The following CERS3 variants were observed in gnomAD, a reference collection of about 807,000 sequenced individuals.
The protein encoded by CERS3 is ceramide synthase 3.
A neutral mutation model predicts 50.3 loss-of-function variants in CERS3; 33 were observed. The observed-to-expected ratio is 0.66, with a 90% CI of 0.50 to 0.88. The LOEUF is 0.88. CERS3 is among the 40% of genes least tolerant of loss of function. CERS3 has a pLI of 0.00. For missense variants in CERS3, 470 were observed against 460.3 expected, an observed-to-expected ratio of 1.02 and a Z score of -0.19; for synonymous variants, 176 against 155.2, an observed-to-expected ratio of 1.13 and a Z score of -0.99.
chr15:100,420,454 A>G (rs1412429366), intron 11 of CERS3, among the ~76,000 whole-genome samples: 1 of 152,212 alleles, frequency 6.6e-6, no homozygotes, highest in Non-Finnish European at 1.5e-5. Flanking sequence ...CTTACCAACC[A>G]AAAAGTGTCC....
intron 11 of CERS3, among the ~76,000 whole-genome samples, chr15:100,441,938 C>T (rs1478349953): frequency 6.6e-6 from 1 of 152,048 alleles, no homozygotes; most frequent in Non-Finnish European, 1.5e-5. Context: ...GACCTCTCCC[C>T]TCCTCACCAG....
intron 11 of CERS3, among the ~76,000 whole-genome samples, chr15:100,413,751 C>A (rs1459268797): frequency 1.4e-5 from 2 of 140,928 alleles, no homozygotes; most frequent in Non-Finnish European, 3.1e-5. Flanking sequence ...TTAACCTAAC[C>A]ACCAACCCCA....
intron 2 of CERS3, among the ~76,000 whole-genome samples, chr15:100,518,351 G>C (rs891241512): frequency 1.3e-5 from 2 of 152,104 alleles, no homozygotes; most frequent in Non-Finnish European, 2.9e-5. Flanking sequence ...AGGACAGAGA[G>C]AGAGAGAGCA....
In CERS3 at chr15:100,401,239, C is replaced by T. The variant is rs2030501671; in HGVS notation, c.*1474G>A. ...TACAAAATCTGACCGTTATGAGAGA[C>T]TGTGCCAGGTGGTGAGGACAGATGC... On this transcript the variant is annotated 3_prime_UTR_variant, in exon 12 of 12. Transcript: ENST00000679737. The T allele has an allele frequency of 6.6e-6, 1 of 152,194 alleles. No homozygotes were observed. The highest frequency in any genetic ancestry group is 1.5e-5 in the Non-Finnish European group (1 of 68,040). The allele number at this position is 152,194 out of a possible 1,614,324, so 9.4% of individuals were successfully genotyped here.
At chr15:100,499,454 A>G (rs1033904292) in intron 3 of CERS3, among the ~76,000 whole-genome samples, 1 of 152,224 alleles carries the variant, frequency 6.6e-6, no homozygotes, top group Admixed American at 6.5e-5. Context: ...AATGTCAGTT[A>G]CTTTCAAATT....
chr15:100,485,746 C>G (rs143754354), intron 4 of CERS3, among the ~76,000 whole-genome samples: 8 of 152,186 alleles, frequency 5.3e-5, no homozygotes, highest in African/African-American at 1.9e-4. Context: ...CTCCTGTGAT[C>G]CCAGCTACTC....
chr15:100,466,202 C>T (rs949134226), intron 10 of CERS3, among the ~76,000 whole-genome samples: 1 of 152,060 alleles, frequency 6.6e-6, no homozygotes, highest in Non-Finnish European at 1.5e-5. Context: ...AGCGCACTAC[C>T]CCGACAATCA....
At chr15:100,482,638 A>T (rs1318171414) in intron 5 of CERS3, among the ~76,000 whole-genome samples, 1 of 152,054 alleles carries the variant, frequency 6.6e-6, no homozygotes, top group Non-Finnish European at 1.5e-5. Flanking sequence ...TATGTATTAA[A>T]ATCCTGAATG....
chr15:100,467,837 GTATA>G (rs1224034259), intron 10 of CERS3, among the ~76,000 whole-genome samples: 11 of 56,356 alleles, frequency 2.0e-4, no homozygotes, highest in Non-Finnish European at 4.1e-4. Context: ...ATATATACGT[GTATA>G]TATATATATA....
At chr15:100,484,955 T>C (rs2142282675) in intron 4 of CERS3, among the ~76,000 whole-genome samples, 1 of 152,360 alleles carries the variant, frequency 6.6e-6, no homozygotes, top group Admixed American at 6.5e-5. Context: ...TGAGCTCACT[T>C]GTTCAGCTAA....
chr15:100,499,003 T>C (rs1458094610), intron 3 of CERS3, among the ~76,000 whole-genome samples: 1 of 152,202 alleles, frequency 6.6e-6, no homozygotes, highest in Non-Finnish European at 1.5e-5. Context: ...TAACAATACT[T>C]CTTCAATTTA....
chr15:100,490,826 T>G lies in CERS3; in HGVS notation c.279A>C (p.Gln93His). 6.3e-7 allele frequency: 1 copy of G among 1,599,800 alleles called. No individual in the cohort carries two copies. Among genetic ancestry groups the G allele is most frequent in the Non-Finnish European group, 8.6e-7 (1 of 1,167,494 alleles). ...LENFFKHSTRQPLQTDIYGLA... is the reference protein window; with the variant it reads ...LENFFKHSTRHPLQTDIYGLA... ...AAGAATTTGTACTTACTTGCAATGGTTGCCTTGTGGAATGTTTGAAAAAAT... is the reference window on the plus strand; with the variant it reads ...AAGAATTTGTACTTACTTGCAATGGGTGCCTTGTGGAATGTTTGAAAAAAT... Residue 93 changes from glutamine to histidine, a missense_variant, in exon 4 of 12, where the codon CAA (glutamine) becomes CAC (histidine). Coordinates refer to ENST00000679737, the MANE Select transcript of CERS3 (RefSeq NM_001378789.1).
At chr15:100,509,227 C>T (rs1432969419) in intron 2 of CERS3, among the ~76,000 whole-genome samples, 1 of 152,118 alleles carries the variant, frequency 6.6e-6, no homozygotes, top group African/African-American at 2.4e-5. Context: ...CCATTCCATT[C>T]GAACTTAGGA....
intron 5 of CERS3, among the ~76,000 whole-genome samples, chr15:100,482,171 A>G (rs2035323942): frequency 6.6e-6 from 1 of 152,236 alleles, no homozygotes; most frequent in Non-Finnish European, 1.5e-5. Flanking sequence ...TATCCTTGTC[A>G]ATGTCATTTC....
chr15:100,497,852 TACACACACACACACACAC>T (rs57343426), intron 3 of CERS3, among the ~76,000 whole-genome samples: 1,225 of 108,816 alleles, frequency 0.011, 18 homozygotes, highest in East Asian at 0.033. Flanking sequence ...ACCTATCTCT[TACACACACACACACACAC>T]ACACACACAC....
chr15:100,476,176 G>C lies in CERS3; in HGVS notation c.519C>G (p.Pro173=). The C allele has an allele frequency of 1.3e-6, 2 of 1,558,464 alleles. No individual in the cohort carries two copies. The highest frequency in any genetic ancestry group is 1.7e-6 in the Non-Finnish European group (2 of 1,159,276). ...WEVWNGYPKQ[P]LLPSQYWYYI... Reference sequence around the variant, plus strand: ...AGTACCAGTACTGGGATGGCAGCAGGGGCTGAGGAAAAGAAGAGTATTCAT... The same window carrying C: ...AGTACCAGTACTGGGATGGCAGCAGCGGCTGAGGAAAAGAAGAGTATTCAT... Residue 173 remains proline, a splice_region_variant and synonymous_variant, in exon 8 of 12, where the codon CCC becomes CCG. Coordinates refer to ENST00000679737, the MANE Select transcript of CERS3 (RefSeq NM_001378789.1).
chr15:100,529,063 C>T (rs1238588501), upstream of CERS3: 1 of 152,176 alleles, frequency 6.6e-6, no homozygotes, highest in Non-Finnish European at 1.5e-5. Context: ...GATGTTGCTT[C>T]CTGTTTCACC....
intron 2 of CERS3, among the ~76,000 whole-genome samples, chr15:100,502,291 A>AAAC (rs2142332106): frequency 6.9e-6 from 1 of 144,100 alleles, no homozygotes; most frequent in Admixed American, 6.9e-5. Flanking sequence ...AAGAAAGAAA[A>AAAC]TAAGGCAAGA....
At chr15:100,436,799 C>T (rs1046671933) in intron 11 of CERS3, among the ~76,000 whole-genome samples, 1 of 152,112 alleles carries the variant, frequency 6.6e-6, no homozygotes, top group Non-Finnish European at 1.5e-5. Flanking sequence ...TCCTAGTATA[C>T]TGTTTTCCAT....
Sources: allele counts gnomAD v4.1 joint callset (sites outside exome capture counted in the v4.1 genomes callset), GRCh38; gene constraint gnomAD v4.1.1; transcripts MANE v1.5; gene names NCBI Gene and HGNC (gene_info 2026-07-23, HGNC 2026-07-21).